STK25: variants seen among roughly 807,000 people sequenced by gnomAD.
The protein encoded by STK25 is serine/threonine-protein kinase 25.
STK25 carries 29 observed loss-of-function variants against 53.8 expected under a neutral mutation model. The ratio of observed to expected loss-of-function variants is 0.54; its 90% CI spans 0.40 to 0.74. The LOEUF is 0.74. Among genes scored for constraint, STK25 ranks in the 30% least tolerant of loss-of-function variants. The probability of loss-of-function intolerance (pLI) is 0.00; values close to 1 mark genes in which losing one functional copy is unlikely to be tolerated. For missense variants in STK25, 420 were observed against 568.0 expected, an observed-to-expected ratio of 0.74 and a Z score of 2.65; for synonymous variants, 247 against 238.3, an observed-to-expected ratio of 1.04 and a Z score of -0.33.
intron 8 of STK25, 140 bp downstream of exon 8, chr2:241,498,499 G>A: frequency 7.8e-7 from 1 of 1,288,394 alleles, no homozygotes; most frequent in East Asian, 2.4e-5. Context: ...AGCAGGCCCT[G>A]TCCTGCAGCC....
intron 2 of STK25, 99 bp downstream of exon 2, chr2:241,507,907 A>T: frequency 7.8e-7 from 1 of 1,278,802 alleles, no homozygotes; most frequent in Non-Finnish European, 1.1e-6. Flanking sequence ...CCCTCACCCC[A>T]CTGCCCGCTC....
At position 241,500,722 on chromosome 2, in the gene STK25, C is replaced by T. The variant is rs762518440; in HGVS notation, c.318+18G>A. 2 of 1,613,462 alleles carry T rather than the reference C, an allele frequency of 1.2e-6. No individual in the cohort carries two copies. Among genetic ancestry groups the T allele is most frequent in the Non-Finnish European group, 1.7e-6 (2 of 1,179,736 alleles). ...TCGGACACTGCATGACCCCCCACTG[C>T]CATGGCCTATGCCTCACCAAGTCCA... is the stretch of plus-strand genomic sequence containing the variant. On this transcript the variant is annotated intron_variant, in intron 4 of 11. Transcript: ENST00000316586.
chr2:241,498,468 A>T, intron 8 of STK25, 119 bp from the exon 9 acceptor site: 1 of 1,259,202 alleles, frequency 7.9e-7, no homozygotes, highest in Non-Finnish European at 1.1e-6. Context: ...CTGCCAGGCC[A>T]CGGGGTCCAG....
At chr2:241,498,493 G>A (rs2065310203) in intron 8 of STK25, 144 bp from the exon 9 acceptor site, 4 of 1,265,372 alleles carry the variant, frequency 3.2e-6, no homozygotes, top group African/African-American at 3.0e-5. Flanking sequence ...TGCCTCAGCA[G>A]GCCCTGTCCT....
chr2:241,506,745 C>T (rs2065854295), intron 2 of STK25, among the ~76,000 whole-genome samples: 1 of 152,082 alleles, frequency 6.6e-6, no homozygotes, highest in African/African-American at 2.4e-5. Flanking sequence ...CCAACCTGGG[C>T]AACAAAAGCG....
At position 241,493,377 on chromosome 2, in the gene STK25, G is replaced by C. The variant is rs2065002075; in HGVS notation, c.*2285C>G. ...GGCCGATGGCATACACAAAGACTAT[G>C]TTTTCAAGCTCCAGTTCAAATCCCA... On this transcript the variant is annotated 3_prime_UTR_variant, in exon 12 of 12. Coordinates refer to ENST00000316586, the MANE Select transcript of STK25 (RefSeq NM_001271977.2). 1 of 1,613,890 alleles carries C rather than the reference G, an allele frequency of 6.2e-7. No homozygotes were observed. Among genetic ancestry groups the C allele is most frequent in the African/African-American group, 1.3e-5 (1 of 74,936 alleles).
chr2:241,492,966 A>ACAGT lies in STK25; in HGVS notation c.*2692_*2695dup. 1 of 1,613,070 alleles carries ACAGT rather than the reference A, an allele frequency of 6.2e-7. No individual in the cohort carries two copies. The highest frequency in any genetic ancestry group is 1.1e-5 in the South Asian group (1 of 91,060). The stretch of plus-strand genomic sequence containing the variant: ...GGATATCTGCTAAGAAAGTTCAAAA[A>ACAGT]CAGTCATGGCTGGCAGAAGCTCTGG... On this transcript the variant is annotated 3_prime_UTR_variant, in exon 12 of 12. Coordinates refer to ENST00000316586, the MANE Select transcript of STK25 (RefSeq NM_001271977.2).
Position 241,496,452 on chromosome 2 carries a change from G to A in STK25, c.1187C>T (p.Ser396Phe). The A allele has an allele frequency of 6.2e-7, 1 of 1,613,628 alleles. No individual in the cohort carries two copies. Among genetic ancestry groups the A allele is most frequent in the South Asian group, 1.1e-5 (1 of 91,066 alleles). Residue 396 changes from serine (S) to phenylalanine (F), a missense_variant, in exon 11 of 12, where the codon TCC becomes TTC. Coordinates refer to ENST00000316586, the MANE Select transcript of STK25 (RefSeq NM_001271977.2). This position sits in a 1 kb window ranked among gnomAD's most constrained non-coding sequence, Gnocchi z 5.8. Reference protein sequence around the residue: ...LENAFSLAEESCPGISDKLMV... With the variant: ...LENAFSLAEEFCPGISDKLMV... ...CAGCTTGTCTGAGATGCCGGGGCAG[G>A]ACTCCTCGGCCAGGCTGAAGGCGTT... is the stretch of plus-strand genomic sequence containing the variant.
chr2:241,506,094 G>A (rs2065807446), intron 2 of STK25, among the ~76,000 whole-genome samples: 1 of 152,234 alleles, frequency 6.6e-6, no homozygotes, highest in African/African-American at 2.4e-5. Context: ...GCCCTCCAGG[G>A]CCAGGCAGGA....
rs1396393801 is a variant in STK25, at chr2:241,493,892, C to T, written c.*1770G>A. On this transcript the variant is annotated 3_prime_UTR_variant, in exon 12 of 12. Coordinates refer to ENST00000316586, the MANE Select transcript of STK25 (RefSeq NM_001271977.2). Reference sequence around the variant, plus strand: ...GATTATAGGCATGAGCCACCGCACCCGGCCCCAGGTTTTTAACCCTTCTTT... The same window carrying T: ...GATTATAGGCATGAGCCACCGCACCTGGCCCCAGGTTTTTAACCCTTCTTT... The T allele has an allele frequency of 1.1e-5, 7 of 631,148 alleles. No homozygotes were observed. Among genetic ancestry groups the T allele is most frequent in the South Asian group, 3.8e-5 (1 of 26,004 alleles). The allele number at this position is 631,148 out of a possible 1,614,324, so 39.1% of individuals were successfully genotyped here.
At chr2:241,509,328 A>AT (rs1056609631), upstream of STK25, 11 of 152,350 alleles carry the variant, frequency 7.2e-5, no homozygotes, top group African/African-American at 2.7e-4. Flanking sequence ...GGAAGCCGTC[A>AT]TGGCACTCCC....
intron 10 of STK25, 62 bp downstream of exon 10, chr2:241,497,554 G>T: frequency 6.5e-7 from 1 of 1,532,062 alleles, no homozygotes; most frequent in Non-Finnish European, 9.0e-7. Context: ...ACATCTCCGT[G>T]CAACAGTGTC....
At chr2:241,500,020 C>A (rs114455958) in intron 5 of STK25, 153 bp downstream of exon 5, 2 of 712,880 alleles carry the variant, frequency 2.8e-6, no homozygotes, top group African/African-American at 1.7e-5. Flanking sequence ...GGAAAGGGAG[C>A]GAGACAGGAC....
chr2:241,500,322 C>A, intron 4 of STK25, 41 bp from the exon 5 acceptor site: 1 of 1,451,606 alleles, frequency 6.9e-7, no homozygotes, highest in Non-Finnish European at 9.7e-7. Context: ...AGCTCCTGTC[C>A]CAGGCCCAAT....
rs548511733 is a variant in STK25, at chr2:241,501,760, G to T, written c.31-52C>A. ...GCAGACAGCGCCGGTCACAAGAGGC[G>T]GGGGACAGGCAGAGGCTGCCCTGCT... On this transcript the variant is annotated intron_variant, in intron 2 of 11. Transcript: ENST00000316586. This position sits in a 1 kb window ranked among gnomAD's most constrained non-coding sequence, Gnocchi z 5.3. 1 of 1,465,660 alleles carries T rather than the reference G, an allele frequency of 6.8e-7. No individual in the cohort carries two copies. Among genetic ancestry groups the T allele is most frequent in the Non-Finnish European group, 9.4e-7 (1 of 1,059,634 alleles). 90.8% of individuals were successfully genotyped at this position (1,465,660 alleles called of 1,614,324 possible). A position where few individuals can be genotyped will look rare whatever the true frequency, so the allele number is the denominator to read the frequency against.
upstream of STK25, chr2:241,508,644 C>CCACCG (rs1335513297): frequency 4.1e-6 from 4 of 986,690 alleles, no homozygotes; most frequent in Non-Finnish European, 4.8e-6. Context: ...TCTCTGGGAC[C>CCACCG]CCGAGTCCCA....
At chr2:241,498,850 T>C in intron 7 of STK25, 66 bp from the exon 8 acceptor site, 1 of 1,608,008 alleles carries the variant, frequency 6.2e-7, no homozygotes, top group African/African-American at 1.3e-5. Flanking sequence ...GAAGCAAACG[T>C]GAGGCAGCCT....
rs763540978 is a variant in STK25 at position 241,493,373 on chromosome 2, C to CTA, written c.*2287_*2288dup. ...GGGAGGCCGATGGCATACACAAAGA[C>CTA]TATGTTTTCAAGCTCCAGTTCAAAT... On this transcript the variant is annotated 3_prime_UTR_variant, in exon 12 of 12. Transcript: ENST00000316586. The CTA allele has an allele frequency of 6.2e-7, 1 of 1,614,034 alleles. No homozygotes were observed. The highest frequency in any genetic ancestry group is 1.7e-5 in the Admixed American group (1 of 60,024).
Position 241,496,385 on chromosome 2 carries a change from C to A in STK25, c.1241+13G>T, listed in dbSNP as rs368984562. On this transcript the variant is annotated intron_variant, in intron 11 of 11. Coordinates refer to ENST00000316586, the MANE Select transcript of STK25 (RefSeq NM_001271977.2). The surrounding 1 kb of genome is among the most constrained non-coding windows in gnomAD (Gnocchi z 5.8). ...GGGTGCTCTCCCCGACCCTATGGCA[C>A]GGCCGCCCTCACCTCTGCACTCGCT... 1 of 1,609,326 alleles carries A rather than the reference C, an allele frequency of 6.2e-7. No individual in the cohort carries two copies. The highest frequency in any genetic ancestry group is 1.1e-5 in the South Asian group (1 of 90,920).
Sources: gnomAD v4.1 joint callset for allele counts (sites outside exome capture counted in the v4.1 genomes callset) on GRCh38, gnomAD v4.1.1 for gene constraint, Gnocchi (gnomAD v3.1) non-coding constraint, MANE v1.5 for transcripts, NCBI Gene and HGNC (gene_info 2026-07-23, HGNC 2026-07-21) for gene names.